HECW1: variants seen among roughly 807,000 people sequenced by gnomAD.
The protein encoded by HECW1 is E3 ubiquitin-protein ligase HECW1.
HECW1 carries 61 observed loss-of-function variants against 182.3 expected under a neutral mutation model. That is an observed-to-expected ratio of 0.33 (90% CI 0.27 to 0.41). The LOEUF (loss-of-function observed/expected upper bound fraction) is 0.41, where lower values mean the gene tolerates loss of function less well. HECW1 is among the 10% of genes least tolerant of loss of function. HECW1 has a pLI of 1.00. For missense variants in HECW1, 1,739 were observed against 2,108.9 expected (o/e 0.82, Z 3.44); for synonymous variants, 859 against 832.6 (o/e 1.03, Z -0.55).
intron 24 of HECW1, among the ~76,000 whole-genome samples, chr7:43,535,474 C>T (rs575611774): frequency 6.6e-6 from 1 of 152,142 alleles, no homozygotes. Context: ...TGTGCGCGCA[C>T]CAAGAGTGAC....
At chr7:43,455,855 G>T (rs1172869102) in intron 12 of HECW1, among the ~76,000 whole-genome samples, 1 of 152,010 alleles carries the variant, frequency 6.6e-6, no homozygotes, top group East Asian at 1.9e-4. Flanking sequence ...ACCAAAATTA[G>T]CCGGACCTGG....
At position 43,213,547 on chromosome 7, in the gene HECW1, A is replaced by G. The variant is rs540205124; in HGVS notation, c.-31-30328A>G. Among the ~76,000 whole-genome samples, 117 of 145,056 alleles carry G rather than the reference A, an allele frequency of 8.1e-4. 6 individuals carry two copies. In the South Asian group the frequency reaches 0.02, roughly 25 times the overall value. ...TGCAAGCTCCACCTTCCGGGTTCAC[A>G]CCATTCTCCTGCCTCAGCCTCCTGA... is the stretch of plus-strand genomic sequence containing the variant. On this transcript the variant is annotated intron_variant, in intron 2 of 29. Transcript: ENST00000395891.
intron 2 of HECW1, among the ~76,000 whole-genome samples, chr7:43,127,547 G>T: frequency 1.0e-5 from 1 of 96,682 alleles, no homozygotes; most frequent in African/African-American, 3.9e-5. Flanking sequence ...AAAAAAAAAA[G>T]GAAAACAAAC....
intron 16 of HECW1, 25 bp from the exon 17 acceptor site, chr7:43,479,585 C>A: frequency 1.2e-6 from 2 of 1,613,750 alleles, no homozygotes; most frequent in Non-Finnish European, 1.7e-6. Flanking sequence ...CCACACGGTG[C>A]TTTTTTTCAC....
chr7:43,139,397 C>G (rs1030934219), intron 2 of HECW1, among the ~76,000 whole-genome samples: 3 of 152,180 alleles, frequency 2.0e-5, no homozygotes, highest in African/African-American at 7.2e-5. Context: ...TCAAAAGACC[C>G]CCTGCATAGA....
chr7:43,488,386 G>A (rs1199597806), intron 17 of HECW1, among the ~76,000 whole-genome samples: 85 of 54,642 alleles, frequency 1.6e-3, no homozygotes, highest in African/African-American at 2.3e-3. Context: ...AAGGAAGGAA[G>A]GAAGGAAGGA....
chr7:43,474,116 G>A (rs2078126626), intron 16 of HECW1, among the ~76,000 whole-genome samples: 1 of 152,108 alleles, frequency 6.6e-6, no homozygotes, highest in Non-Finnish European at 1.5e-5. Context: ...AAAAACCAGT[G>A]GTGATGTATT....
chr7:43,532,600 AC>A (rs2081036034), intron 24 of HECW1, among the ~76,000 whole-genome samples: 2 of 152,042 alleles, frequency 1.3e-5, no homozygotes, highest in East Asian at 1.9e-4. Flanking sequence ...GCTCAAGCAA[AC>A]CACACACCTT....
chr7:43,329,500 A>G (rs1296108584), intron 5 of HECW1, among the ~76,000 whole-genome samples: 1 of 152,084 alleles, frequency 6.6e-6, no homozygotes, highest in Admixed American at 6.6e-5. Flanking sequence ...GGGCTGATTC[A>G]GAAAGAGGCT....
intron 3 of HECW1, among the ~76,000 whole-genome samples, chr7:43,309,534 A>C (rs2152770638): frequency 6.6e-6 from 1 of 152,330 alleles, no homozygotes; most frequent in Admixed American, 6.5e-5. Flanking sequence ...TCTTCAGCAA[A>C]AGAGAAAGAC....
rs531732482 is a variant in HECW1 at position 43,163,442 on chromosome 7, C to T, written c.-32+49051C>T. The stretch of plus-strand genomic sequence containing the variant: ...TTGTTCTGTCCGGGGGGAGGTGCTG[C>T]GAAGACTGGGGAGATGGAGGCAGGC... On this transcript the variant is annotated intron_variant, in intron 2 of 29. Transcript: ENST00000395891. Among the ~76,000 whole-genome samples, 21 of 152,236 alleles carry T rather than the reference C, an allele frequency of 1.4e-4. No individual in the cohort carries two copies. In the South Asian group the frequency reaches 3.7e-3, roughly 27 times the overall value.
At chr7:43,456,539 T>A in intron 13 of HECW1, 92 bp downstream of exon 13, 1 of 1,223,672 alleles carries the variant, frequency 8.2e-7, no homozygotes, top group Non-Finnish European at 1.1e-6. Context: ...CTGCTCAGAC[T>A]GTATGAGGAG....
At chr7:43,248,552 A>G (rs1799667786) in intron 3 of HECW1, 1 of 152,202 alleles carries the variant, frequency 6.6e-6, no homozygotes, top group African/African-American at 2.4e-5. Flanking sequence ...AAGTCATGAG[A>G]AGCCTCTCTT....
intron 2 of HECW1, among the ~76,000 whole-genome samples, chr7:43,180,980 G>C (rs959660578): frequency 4.6e-5 from 7 of 151,934 alleles, no homozygotes; most frequent in East Asian, 1.9e-4. Context: ...CACATTGGCC[G>C]ACCTCTCCTC....
intron 8 of HECW1, among the ~76,000 whole-genome samples, chr7:43,418,374 G>A (rs774549421): frequency 4.6e-5 from 7 of 152,134 alleles, no homozygotes; most frequent in Non-Finnish European, 8.8e-5. Flanking sequence ...GAAGCTATAA[G>A]TTTGTTTTCA....
At chr7:43,293,826 G>A (rs1037472469) in intron 3 of HECW1, among the ~76,000 whole-genome samples, 4 of 152,108 alleles carry the variant, frequency 2.6e-5, no homozygotes, top group African/African-American at 9.7e-5. Context: ...GTTAAAAACT[G>A]GGCCACACAG....
chr7:43,508,152 T>G, intron 23 of HECW1, 21 bp downstream of exon 23: 1 of 1,542,644 alleles, frequency 6.5e-7, no homozygotes, highest in Non-Finnish European at 9.0e-7. Flanking sequence ...AGGAGTTTTA[T>G]GCAGACACCT....
Position 43,562,972 on chromosome 7 carries a change from C to G in HECW1, c.*1046C>G, listed in dbSNP as rs2082249490. On this transcript the variant is annotated 3_prime_UTR_variant, in exon 30 of 30. Coordinates refer to ENST00000395891, the MANE Select transcript of HECW1 (RefSeq NM_015052.5). ...GACTTTTGTTTGCTTGGCAGACAAACCCTTTTTTTAAAACTTTGATATTTT... is the reference window on the plus strand; with the variant it reads ...GACTTTTGTTTGCTTGGCAGACAAAGCCTTTTTTTAAAACTTTGATATTTT... 2 of 208,986 alleles carry G rather than the reference C, an allele frequency of 9.6e-6. No individual in the cohort carries two copies. The highest frequency in any genetic ancestry group is 4.6e-5 in the African/African-American group (2 of 43,946). The allele number at this position is 208,986 out of a possible 1,614,324, so 12.9% of individuals were successfully genotyped here.
At chr7:43,160,359 T>G in intron 2 of HECW1, among the ~76,000 whole-genome samples, 1 of 152,212 alleles carries the variant, frequency 6.6e-6, no homozygotes, top group East Asian at 1.9e-4. Context: ...TTCACTTGTG[T>G]TGTTGTGGTT....
Sources: allele counts gnomAD v4.1 joint callset (sites outside exome capture counted in the v4.1 genomes callset), GRCh38; gene constraint gnomAD v4.1.1; transcripts MANE v1.5; gene names NCBI Gene and HGNC (gene_info 2026-07-23, HGNC 2026-07-21).